CAMSAP1: variants seen among roughly 807,000 people sequenced by gnomAD.
The protein encoded by CAMSAP1 is calmodulin regulated spectrin associated protein 1.
In CAMSAP1, 58 loss-of-function variants were observed where a neutral mutation model predicts 143.5. The ratio of observed to expected loss-of-function variants is 0.40; its 90% CI spans 0.33 to 0.50. The LOEUF (loss-of-function observed/expected upper bound fraction) is 0.50. CAMSAP1 is among the 20% of genes least tolerant of loss of function. The pLI, the probability that CAMSAP1 is intolerant of heterozygous loss-of-function variation, is 0.45. For synonymous variants in CAMSAP1, 945 were observed against 859.3 expected (o/e 1.10, Z -1.74); for missense variants, 1,969 against 2,115.7 (o/e 0.93, Z 1.36).
intron 7 of CAMSAP1, among the ~76,000 whole-genome samples, chr9:135,829,312 G>A (rs1015906880): frequency 6.6e-5 from 10 of 151,554 alleles, no homozygotes; most frequent in African/African-American, 2.4e-4. Flanking sequence ...GACTAGCCTG[G>A]GCAACACAGC....
intron 5 of CAMSAP1, among the ~76,000 whole-genome samples, chr9:135,851,167 C>A (rs896544438): frequency 1.3e-5 from 2 of 152,136 alleles, no homozygotes; most frequent in African/African-American, 2.4e-5. Context: ...AAGAGCCCTG[C>A]GGAGAGCACG....
chr9:135,857,685 T>C (rs968054938), intron 5 of CAMSAP1, among the ~76,000 whole-genome samples: 9 of 152,074 alleles, frequency 5.9e-5, no homozygotes, highest in African/African-American at 2.2e-4. Context: ...TAGTAAAGAG[T>C]GAGTCACTGT....
chr9:135,876,767 G>C (rs2130969849), intron 3 of CAMSAP1, among the ~76,000 whole-genome samples: 1 of 152,148 alleles, frequency 6.6e-6, no homozygotes, highest in East Asian at 1.9e-4. Context: ...CCAGCACTTT[G>C]GGAGGCTGAG....
chr9:135,883,869 C>T (rs1175920693), intron 1 of CAMSAP1, among the ~76,000 whole-genome samples: 1 of 152,194 alleles, frequency 6.6e-6, no homozygotes, highest in Non-Finnish European at 1.5e-5. Context: ...CAATCTGATC[C>T]AGAGAGCCTA....
chr9:135,824,898 T>TA lies in CAMSAP1; in HGVS notation c.1224-19dup. On this transcript the variant is annotated intron_variant, in intron 8 of 16. Coordinates refer to ENST00000389532, the MANE Select transcript of CAMSAP1 (RefSeq NM_015447.4). This position sits in a 1 kb window ranked among gnomAD's most constrained non-coding sequence, Gnocchi z 4.1. The stretch of plus-strand genomic sequence containing the variant: ...CTTTCCCGCTAAATGGAAAAAGAAT[T>TA]ACAGGGAAAATCATTCCTTTATCAA... The TA allele has an allele frequency of 1.3e-6, 2 of 1,556,372 alleles. No homozygotes were observed. Among genetic ancestry groups the TA allele is most frequent in the South Asian group, 2.4e-5 (2 of 84,340 alleles).
At position 135,862,581 on chromosome 9, in the gene CAMSAP1, C is replaced by A; in HGVS notation, c.694G>T (p.Ala232Ser). 6.4e-7 allele frequency: 1 copy of A among 1,551,712 alleles called. No individual in the cohort carries two copies. The highest frequency in any genetic ancestry group is 1.2e-5 in the South Asian group (1 of 84,058). The change falls in exon 5 of 17, where the codon GCT becomes TCT. Residue 232 changes from alanine to serine, a missense_variant. This residue lies in a region of CAMSAP1 where 221 missense variants were observed against 298.2 expected (regional missense o/e 0.74). Transcript: ENST00000389532. Reference sequence around the variant, plus strand: ...AACGGGAAGTAGGGTGACTGCCTAGCAGAAAGGTGCTCTCGTCGATAGCGG... The same window carrying A: ...AACGGGAAGTAGGGTGACTGCCTAGAAGAAAGGTGCTCTCGTCGATAGCGG... Reference protein sequence around the residue: ...KVRYRREHLSARQSPYFPLLE... With the variant: ...KVRYRREHLSSRQSPYFPLLE...
chr9:135,907,190 G>A lies in CAMSAP1; in HGVS notation c.-31C>T, dbSNP rs1445670019. On this transcript the variant is annotated 5_prime_UTR_variant, in exon 1 of 17. Coordinates refer to ENST00000389532, the MANE Select transcript of CAMSAP1 (RefSeq NM_015447.4). Reference sequence around the variant, plus strand: ...GACAAAGGGCTGAGGCGGCGGCCCGGCCGCAACAAAGGCGCCGCCGCCCCT... The same window carrying A: ...GACAAAGGGCTGAGGCGGCGGCCCGACCGCAACAAAGGCGCCGCCGCCCCT... The A allele has an allele frequency of 4.0e-5, 43 of 1,065,956 alleles. No homozygotes were observed. The highest frequency in any genetic ancestry group is 4.5e-5 in the Non-Finnish European group (40 of 881,874). The allele number at this position is 1,065,956 out of a possible 1,614,324, so 66.0% of individuals were successfully genotyped here.
At chr9:135,852,518 G>A (rs899869940) in intron 5 of CAMSAP1, among the ~76,000 whole-genome samples, 4 of 152,156 alleles carry the variant, frequency 2.6e-5, no homozygotes, top group African/African-American at 9.7e-5. Flanking sequence ...CTCAGGTGGG[G>A]TGAGGTTTTA....
intron 3 of CAMSAP1, among the ~76,000 whole-genome samples, chr9:135,868,609 A>ATTTTTTTTTTTTTTTTTTTTTTTTTTTTT (rs767495608): frequency 1.1e-5 from 1 of 93,466 alleles, no homozygotes; most frequent in Admixed American, 1.2e-4. Context: ...GAGATTGGCA[A>ATTTTTTTTTTTTTTTTTTTTTTTTTTTTT]TTTTTTTTTT....
chr9:135,811,919 G>A lies in CAMSAP1; in HGVS notation c.4507-308C>T, dbSNP rs559899259. 1.2e-4 allele frequency among the ~76,000 whole-genome samples: 18 copies of A among 152,300 alleles called. No individual in the cohort carries two copies. Among genetic ancestry groups the A allele is most frequent in the South Asian group, 6.2e-4 (3 of 4,822 alleles). On this transcript the variant is annotated intron_variant, in intron 16 of 16. Transcript: ENST00000389532. This position sits in a 1 kb window ranked among gnomAD's most constrained non-coding sequence, Gnocchi z 4.9. ...GAAATGCCAGTCAGAAAGAGACGTC[G>A]CGTCATGCCCACAAGGACGGCTGGA...
chr9:135,900,942 C>T (rs1400545313), intron 1 of CAMSAP1, among the ~76,000 whole-genome samples: 2 of 151,896 alleles, frequency 1.3e-5, no homozygotes, highest in South Asian at 2.1e-4. Flanking sequence ...TTAGTAGAGA[C>T]GGGGTTTCAC....
Position 135,820,800 on chromosome 9 carries a change from C to T in CAMSAP1, c.3822+39G>A. ...CTCACTATCACGTGGGGTGGCAACA[C>T]ATCACGAGTGCCTGAAACAGATGCT... is the stretch of plus-strand genomic sequence containing the variant. On this transcript the variant is annotated intron_variant, in intron 11 of 16. Transcript: ENST00000389532. This position sits in a 1 kb window ranked among gnomAD's most constrained non-coding sequence, Gnocchi z 4.4. 1 of 1,600,176 alleles carries T rather than the reference C, an allele frequency of 6.2e-7. No individual in the cohort carries two copies. Among genetic ancestry groups the T allele is most frequent in the Non-Finnish European group, 8.5e-7 (1 of 1,174,964 alleles).
In CAMSAP1 at chr9:135,820,902, G is replaced by A. The variant is rs140785057; in HGVS notation, c.3759C>T (p.Leu1253=). 269 of 1,613,618 alleles carry A rather than the reference G, an allele frequency of 1.7e-4. No individual in the cohort carries two copies. The highest frequency in any genetic ancestry group is 2.1e-4 in the Non-Finnish European group (243 of 1,179,884). ...CGCTGACAAGGTCCGCCGAGCCATC[G>A]AGGCTTACCAGCTCCCCATCCTCGT... The part of the protein sequence containing the change: ...APDEDGELVS[L]DGSADLVSEG... Residue 1253 remains leucine, a synonymous_variant, in exon 11 of 17, where the codon CTC becomes CTT. Transcript: ENST00000389532. This position sits in a 1 kb window ranked among gnomAD's most constrained non-coding sequence, Gnocchi z 4.4.
intron 1 of CAMSAP1, among the ~76,000 whole-genome samples, chr9:135,903,896 C>G (rs1395740584): frequency 6.6e-6 from 1 of 152,156 alleles, no homozygotes; most frequent in Non-Finnish European, 1.5e-5. Flanking sequence ...TACCAAAACC[C>G]CCTCCCCACT....
chr9:135,849,214 C>G (rs138961598), intron 7 of CAMSAP1, among the ~76,000 whole-genome samples: 138 of 152,286 alleles, frequency 9.1e-4, no homozygotes, highest in East Asian at 7.3e-3. Context: ...TACAGCCGGG[C>G]GAAATCTAAC....
At chr9:135,847,945 GT>G (rs1192717643) in intron 7 of CAMSAP1, among the ~76,000 whole-genome samples, 1 of 76,542 alleles carries the variant, frequency 1.3e-5, no homozygotes, top group South Asian at 6.0e-4. Flanking sequence ...GGAGATGGGA[GT>G]GGGGGGGGAG....
intron 3 of CAMSAP1, among the ~76,000 whole-genome samples, chr9:135,874,117 G>C (rs576232298): frequency 6.6e-6 from 1 of 152,220 alleles, no homozygotes; most frequent in Non-Finnish European, 1.5e-5. Flanking sequence ...AAAATGAAAA[G>C]TCATATAATC....
At chr9:135,891,082 G>A (rs1403496732) in intron 1 of CAMSAP1, among the ~76,000 whole-genome samples, 15 of 152,324 alleles carry the variant, frequency 9.8e-5, no homozygotes, top group Non-Finnish European at 4.4e-5. Flanking sequence ...GGCTGGACCT[G>A]AGGGCAGCCC....
At chr9:135,842,298 G>C (rs1836383837) in intron 7 of CAMSAP1, among the ~76,000 whole-genome samples, 1 of 152,100 alleles carries the variant, frequency 6.6e-6, no homozygotes, top group Non-Finnish European at 1.5e-5. Context: ...CAAGATTAGA[G>C]AAAAAAGAAT....
Sources: gnomAD v4.1 joint callset for allele counts (sites outside exome capture counted in the v4.1 genomes callset) on GRCh38, gnomAD v4.1.1 for gene constraint, gnomAD v4.1.1 regional missense constraint, Gnocchi (gnomAD v3.1) non-coding constraint, MANE v1.5 for transcripts, NCBI Gene and HGNC (gene_info 2026-07-23, HGNC 2026-07-21) for gene names.